The following TRMT9B variants were observed in gnomAD, a reference collection of about 807,000 sequenced individuals.
The protein encoded by TRMT9B is tRNA methyltransferase 9B (putative), also known as probable tRNA methyltransferase 9B.
A neutral mutation model predicts 11.5 loss-of-function variants in TRMT9B; 16 were observed. The ratio of observed to expected loss-of-function variants is 1.39; its 90% CI spans 0.94 to 2.11. TRMT9B has a LOEUF of 2.11. Ranked by LOEUF, TRMT9B falls within the 30% of genes most tolerant of loss-of-function variation. The pLI, the probability that TRMT9B is intolerant of heterozygous loss-of-function variation, is 0.00. For missense variants in TRMT9B, 941 were observed against 553.8 expected (o/e 1.70, Z -7.02); for synonymous variants, 274 against 192.4 (o/e 1.42, Z -3.51).
In TRMT9B at chr8:13,022,102, G is replaced by T. The variant is rs966013866; in HGVS notation, c.*58G>T. ...GAACCACATTCTTTCCTCTTGGTTT[G>T]ATATGGTTACCTGAATTTGCATTCA... On this transcript the variant is annotated 3_prime_UTR_variant, in exon 5 of 5. Coordinates refer to ENST00000524591, the MANE Select transcript of TRMT9B (RefSeq NM_020844.3). 1 of 1,256,750 alleles carries T rather than the reference G, an allele frequency of 8.0e-7. No individual in the cohort carries two copies. Among genetic ancestry groups the T allele is most frequent in the South Asian group, 1.5e-5 (1 of 64,536 alleles). 77.8% of individuals were successfully genotyped at this position (1,256,750 alleles called of 1,614,324 possible).
rs546187314 is a variant in TRMT9B at position 12,975,333 on chromosome 8, G to A, written c.-199-15501G>A. Among the ~76,000 whole-genome samples, 23 of 152,104 alleles carry A rather than the reference G, an allele frequency of 1.5e-4. No individual in the cohort carries two copies. In the South Asian group the frequency reaches 4.6e-3, roughly 30 times the overall value. On this transcript the variant is annotated intron_variant, in intron 1 of 4. Coordinates refer to ENST00000524591, the MANE Select transcript of TRMT9B (RefSeq NM_020844.3). ...TGATATAGATAACAAATATTTTGTT[G>A]ATCATGTAATTGTTGAACATATATA...
At chr8:13,000,479 A>G (rs771753442) in intron 2 of TRMT9B, among the ~76,000 whole-genome samples, 1 of 152,192 alleles carries the variant, frequency 6.6e-6, no homozygotes, top group Admixed American at 6.5e-5. Context: ...GGAAATAGGC[A>G]GAGTTTGTGG....
intron 4 of TRMT9B, among the ~76,000 whole-genome samples, chr8:13,019,761 G>A (rs1163996383): frequency 6.6e-6 from 1 of 152,204 alleles, no homozygotes; most frequent in Non-Finnish European, 1.5e-5. Context: ...TTCTTTTCGG[G>A]AGTGGGTGGC....
intron 1 of TRMT9B, among the ~76,000 whole-genome samples, chr8:12,959,117 C>T (rs917791022): frequency 6.6e-6 from 1 of 152,098 alleles, no homozygotes; most frequent in Non-Finnish European, 1.5e-5. Flanking sequence ...GAATTCTTCA[C>T]GTGACCAAGA....
In TRMT9B at chr8:13,026,779, C is replaced by G. The variant is rs145634080; in HGVS notation, c.*4735C>G. The G allele has an allele frequency of 6.0e-6, 1 of 167,166 alleles. No homozygotes were observed. The highest frequency in any genetic ancestry group is 1.9e-4 in the East Asian group (1 of 5,176). The allele number at this position is 167,166 out of a possible 1,614,324, so 10.4% of individuals were successfully genotyped here. ...CTGGCTCCTAGTCTCTGCTCTTAACCACAACACCATATACTCCCACCCCTG... is the reference window on the plus strand; with the variant it reads ...CTGGCTCCTAGTCTCTGCTCTTAACGACAACACCATATACTCCCACCCCTG... On this transcript the variant is annotated 3_prime_UTR_variant, in exon 5 of 5. Transcript: ENST00000524591.
rs1179020914 is a variant in TRMT9B at position 13,025,043 on chromosome 8, C to A, written c.*2999C>A. On this transcript the variant is annotated 3_prime_UTR_variant, in exon 5 of 5. Transcript: ENST00000524591. ...GTTGATTTGTGAATGCTGTCGGCCT[C>A]AACTTGCTTGATGATAGATTCTACT... The A allele has an allele frequency of 1.2e-5, 2 of 167,050 alleles. No individual in the cohort carries two copies. Among genetic ancestry groups the A allele is most frequent in the East Asian group, 3.8e-4 (2 of 5,198 alleles). The allele number at this position is 167,050 out of a possible 1,614,324, so 10.3% of individuals were successfully genotyped here.
chr8:12,975,021 G>GTTT (rs879279883), intron 1 of TRMT9B, among the ~76,000 whole-genome samples: 1 of 143,482 alleles, frequency 7.0e-6, no homozygotes, highest in African/African-American at 2.5e-5. Context: ...TACATAAGCA[G>GTTT]TTTTTTTTTT....
At chr8:13,019,009 C>G (rs1391744990) in intron 4 of TRMT9B, among the ~76,000 whole-genome samples, 1 of 152,170 alleles carries the variant, frequency 6.6e-6, no homozygotes, top group African/African-American at 2.4e-5. Flanking sequence ...TTTGTTTCAT[C>G]TCAGCTGGGA....
intron 2 of TRMT9B, among the ~76,000 whole-genome samples, chr8:13,003,323 C>G (rs766071559): frequency 2.8e-4 from 42 of 152,248 alleles, no homozygotes; most frequent in Middle Eastern, 6.8e-3. Context: ...ACCACTCACT[C>G]ACATGCCAAA....
intron 1 of TRMT9B, among the ~76,000 whole-genome samples, chr8:12,949,074 T>G (rs964565062): frequency 6.6e-6 from 1 of 152,224 alleles, no homozygotes; most frequent in African/African-American, 2.4e-5. Context: ...GAAAACGTAT[T>G]GTTTCTACAT....
intron 1 of TRMT9B, among the ~76,000 whole-genome samples, chr8:12,974,602 A>C (rs1804141402): frequency 6.6e-6 from 1 of 152,094 alleles, no homozygotes; most frequent in Non-Finnish European, 1.5e-5. Context: ...TAGATGTTTC[A>C]AGTGGCGATG....
intron 1 of TRMT9B, among the ~76,000 whole-genome samples, chr8:12,963,081 A>T (rs1802344539): frequency 6.6e-6 from 1 of 152,246 alleles, no homozygotes; most frequent in Non-Finnish European, 1.5e-5. Flanking sequence ...ATGGAGGAAA[A>T]ATTATGTTAT....
rs1302104587 is a variant in TRMT9B at position 12,945,687 on chromosome 8, A to G, written c.-479A>G. On this transcript the variant is annotated 5_prime_UTR_variant, in exon 1 of 5. Transcript: ENST00000524591. ...GTGTGTGTTTTATTCAGTATTGTGT[A>G]GTACAGAAAAGATCACACATGTATA... The G allele has an allele frequency of 1.3e-5, 2 of 152,246 alleles. No homozygotes were observed. Among genetic ancestry groups the G allele is most frequent in the Non-Finnish European group, 2.9e-5 (2 of 68,050 alleles). 9.4% of individuals were successfully genotyped at this position (152,246 alleles called of 1,614,324 possible).
intron 1 of TRMT9B, among the ~76,000 whole-genome samples, chr8:12,981,259 C>T (rs779460769): frequency 6.6e-6 from 1 of 152,220 alleles, no homozygotes. Flanking sequence ...TTGATTTACA[C>T]TCTGGTGCAA....
intron 1 of TRMT9B, among the ~76,000 whole-genome samples, chr8:12,959,354 A>G (rs1282162506): frequency 6.6e-6 from 1 of 152,114 alleles, no homozygotes; most frequent in African/African-American, 2.4e-5. Flanking sequence ...GCGTACAATT[A>G]TTTCAAAAGA....
At chr8:12,981,732 T>C (rs576146213) in intron 1 of TRMT9B, among the ~76,000 whole-genome samples, 1 of 152,108 alleles carries the variant, frequency 6.6e-6, no homozygotes, top group African/African-American at 2.4e-5. Flanking sequence ...CCTGAGTAGC[T>C]AGGACTATAG....
chr8:12,964,093 A>C (rs1489629736), intron 1 of TRMT9B, among the ~76,000 whole-genome samples: 2 of 152,216 alleles, frequency 1.3e-5, no homozygotes, highest in Non-Finnish European at 2.9e-5. Context: ...CCTAAAACAG[A>C]GGTTTTATGA....
At chr8:13,014,503 C>G (rs1812253612) in intron 4 of TRMT9B, among the ~76,000 whole-genome samples, 1 of 152,070 alleles carries the variant, frequency 6.6e-6, no homozygotes, top group African/African-American at 2.4e-5. Flanking sequence ...AGAGCAAGCT[C>G]TCTGGTCTCT....
At chr8:12,993,738 AC>A (rs1807817006) in intron 2 of TRMT9B, among the ~76,000 whole-genome samples, 1 of 152,168 alleles carries the variant, frequency 6.6e-6, no homozygotes, top group South Asian at 2.1e-4. Context: ...CCTGTTGGCA[AC>A]CCTAGTGGCC....
Sources: gnomAD v4.1 joint callset for allele counts (sites outside exome capture counted in the v4.1 genomes callset) on GRCh38, gnomAD v4.1.1 for gene constraint, MANE v1.5 for transcripts, NCBI Gene and HGNC (gene_info 2026-07-23, HGNC 2026-07-21) for gene names.